PPFIBP2: variants seen among roughly 807,000 people sequenced by gnomAD.
The protein encoded by PPFIBP2 is PPFIB scaffold protein 2.
Under a neutral mutation model 118.3 loss-of-function variants are expected in PPFIBP2, and 118 were observed. The ratio of observed to expected loss-of-function variants is 1.00; its 90% CI spans 0.86 to 1.16. PPFIBP2 has a LOEUF of 1.16. PPFIBP2 is among the 50% of genes most tolerant of loss of function. The pLI, the probability that PPFIBP2 is intolerant of heterozygous loss-of-function variation, is 0.00. For synonymous variants in PPFIBP2, 414 were observed against 397.4 expected (o/e 1.04, Z -0.50); for missense variants, 1,195 against 1,073.1 (o/e 1.11, Z -1.59).
intron 3 of PPFIBP2, among the ~76,000 whole-genome samples, chr11:7,566,421 A>G (rs1854992002): frequency 6.6e-6 from 1 of 152,044 alleles, no homozygotes; most frequent in Non-Finnish European, 1.5e-5. Flanking sequence ...GTGTGGCTTG[A>G]TCATGGCTCA....
At chr11:7,645,392 G>T (rs1478088249) in intron 17 of PPFIBP2, among the ~76,000 whole-genome samples, 5 of 152,184 alleles carry the variant, frequency 3.3e-5, no homozygotes, top group Non-Finnish European at 7.3e-5. Context: ...TTATAAATGT[G>T]CCATGTGCTC....
intron 1 of PPFIBP2, among the ~76,000 whole-genome samples, chr11:7,516,956 A>G (rs1463299755): frequency 6.6e-6 from 1 of 152,194 alleles, no homozygotes; most frequent in Admixed American, 6.5e-5. Context: ...GACTTTCTCA[A>G]TAACTACTTC....
At chr11:7,612,576 C>A (rs908248520) in intron 6 of PPFIBP2, among the ~76,000 whole-genome samples, 1 of 152,182 alleles carries the variant, frequency 6.6e-6, no homozygotes, top group African/African-American at 2.4e-5. Flanking sequence ...TTTTTTCTTT[C>A]TTTTCTGAAG....
At chr11:7,572,404 A>C (rs578160907) in intron 3 of PPFIBP2, among the ~76,000 whole-genome samples, 1 of 152,236 alleles carries the variant, frequency 6.6e-6, no homozygotes, top group East Asian at 1.9e-4. Context: ...AATTTACCCT[A>C]CTAAATTCTA....
chr11:7,597,410 C>G (rs1860541731), intron 4 of PPFIBP2, 150 bp from the exon 5 acceptor site: 1 of 1,538,396 alleles, frequency 6.5e-7, no homozygotes. Flanking sequence ...GTTCAGGACA[C>G]TTCCTCCACC....
At position 7,635,536 on chromosome 11, in the gene PPFIBP2, T is replaced by C; in HGVS notation, c.1195-16T>C. ...CTTTTTCTCCACATAAACGAAATCCTCATGTTACTCCATAGTGTATGGATG... is the reference window on the plus strand; with the variant it reads ...CTTTTTCTCCACATAAACGAAATCCCCATGTTACTCCATAGTGTATGGATG... On this transcript the variant is annotated splice_polypyrimidine_tract_variant and intron_variant, in intron 13 of 23. Transcript: ENST00000299492. 6.2e-7 allele frequency: 1 copy of C among 1,604,530 alleles called. No individual in the cohort carries two copies. Among genetic ancestry groups the C allele is most frequent in the Non-Finnish European group, 8.5e-7 (1 of 1,171,324 alleles).
At chr11:7,570,664 C>A (rs911185739) in intron 3 of PPFIBP2, among the ~76,000 whole-genome samples, 29 of 152,200 alleles carry the variant, frequency 1.9e-4, no homozygotes, top group African/African-American at 7.0e-4. Flanking sequence ...CAATAGGAAC[C>A]CAGGCTTTTC....
In PPFIBP2 at chr11:7,639,795, C is replaced by T. The variant is rs185387374; in HGVS notation, c.1300C>T (p.Pro434Ser). Residue 434 changes from proline to serine, a missense_variant, in exon 15 of 24, where the codon CCC becomes TCC. Pro to Ser is a moderately conservative substitution (Grantham distance 74). Coordinates refer to ENST00000299492, the MANE Select transcript of PPFIBP2 (RefSeq NM_003621.5). ...TLPGKLSGAT[P>S]NGEAAKSPPT... ...ACCTGGGAAGCTTTCAGGAGCCACG[C>T]CCAATGGAGAGGCTGCCAAATCTCC... The T allele has an allele frequency of 4.3e-5, 70 of 1,614,042 alleles. 1 individual carries two copies. The Admixed American group carries it at 1.2e-3, about 27-fold the overall frequency.
At chr11:7,651,144 C>T in intron 22 of PPFIBP2, 179 bp downstream of exon 22, 1 of 609,378 alleles carries the variant, frequency 1.6e-6, no homozygotes, top group Non-Finnish European at 2.6e-6. Context: ...TAATATACCT[C>T]ATGGAAGCAA....
intron 2 of PPFIBP2, among the ~76,000 whole-genome samples, chr11:7,554,613 CCCCTCCAGAGCCACGGTGCG>C (rs1853371980): frequency 6.6e-6 from 1 of 152,022 alleles, no homozygotes; most frequent in African/African-American, 2.4e-5. Flanking sequence ...GGTAAATATG[CCCCTCCAGAGCCACGGTGCG>C]ATGGCCTTTG....
chr11:7,648,340 C>G, intron 17 of PPFIBP2, 47 bp from the exon 18 acceptor site: 4 of 1,567,042 alleles, frequency 2.6e-6, no homozygotes, highest in Non-Finnish European at 3.5e-6. Flanking sequence ...GATTCAGAAC[C>G]TCAGGCTCTC....
chr11:7,562,929 T>TTATATATATA (rs60848890), intron 2 of PPFIBP2, among the ~76,000 whole-genome samples: 6 of 86,540 alleles, frequency 6.9e-5, no homozygotes, highest in Non-Finnish European at 9.9e-5. Context: ...AATTAAAGTT[T>TTATATATATA]TATATATATA....
intron 2 of PPFIBP2, among the ~76,000 whole-genome samples, chr11:7,556,041 T>C (rs749393578): frequency 8.5e-5 from 13 of 152,234 alleles, no homozygotes; most frequent in Non-Finnish European, 1.9e-4. Flanking sequence ...TTGGCCATTA[T>C]ATTTTATCTA....
intron 5 of PPFIBP2, among the ~76,000 whole-genome samples, chr11:7,604,443 C>T (rs1847077564): frequency 6.6e-6 from 1 of 151,338 alleles, no homozygotes; most frequent in Non-Finnish European, 1.5e-5. Context: ...CACCCACACA[C>T]ACCCACCTAC....
downstream of PPFIBP2, among the ~76,000 whole-genome samples, chr11:7,659,157 C>T (rs1311714205): frequency 6.7e-6 from 1 of 149,772 alleles, no homozygotes; most frequent in Non-Finnish European, 1.5e-5. Context: ...AATTAGATCC[C>T]ATTTGTCAAT....
chr11:7,568,425 T>A (rs1224171637), intron 3 of PPFIBP2, among the ~76,000 whole-genome samples: 1 of 152,200 alleles, frequency 6.6e-6, no homozygotes, highest in Non-Finnish European at 1.5e-5. Flanking sequence ...TATACAACTG[T>A]GTGCAGAGGT....
chr11:7,630,796 C>G, intron 10 of PPFIBP2, 129 bp from the exon 11 acceptor site: 1 of 719,660 alleles, frequency 1.4e-6, no homozygotes, highest in Admixed American at 2.1e-5. Context: ...GAATCACACT[C>G]TTACTGTCCC....
At chr11:7,601,427 C>T (rs961346858) in intron 5 of PPFIBP2, among the ~76,000 whole-genome samples, 3 of 152,120 alleles carry the variant, frequency 2.0e-5, no homozygotes, top group African/African-American at 7.2e-5. Flanking sequence ...TTGCAGCCCA[C>T]GGCAGGATGT....
chr11:7,663,869 C>G, the PPFIBP2 span, among the ~76,000 whole-genome samples: 1 of 152,186 alleles, frequency 6.6e-6, no homozygotes, highest in Non-Finnish European at 1.5e-5. Context: ...TTTTTAAGCC[C>G]GTCGGAAAAG....
Sources: gnomAD v4.1 joint callset for allele counts (sites outside exome capture counted in the v4.1 genomes callset) on GRCh38, gnomAD v4.1.1 for gene constraint, MANE v1.5 for transcripts, NCBI Gene and HGNC (gene_info 2026-07-23, HGNC 2026-07-21) for gene names.